KCNQ1: variants seen among roughly 807,000 people sequenced by gnomAD.
The protein encoded by KCNQ1 is potassium voltage-gated channel subfamily KQT member 1.
A neutral mutation model predicts 72.4 loss-of-function variants in KCNQ1; 49 were observed. The observed-to-expected ratio is 0.68, with a 90% CI of 0.54 to 0.86. The LOEUF (loss-of-function observed/expected upper bound fraction) is 0.86, where lower values mean the gene tolerates loss of function less well. KCNQ1 is among the 40% of genes least tolerant of loss of function. KCNQ1 has a pLI of 0.00. For synonymous variants in KCNQ1, 450 were observed against 412.6 expected, an observed-to-expected ratio of 1.09 and a Z score of -1.10; for missense variants, 790 against 945.1, an observed-to-expected ratio of 0.84 and a Z score of 2.15.
chr11:2,633,037 G>C, intron 10 of KCNQ1: 1 of 398,446 alleles, frequency 2.5e-6, no homozygotes, highest in Non-Finnish European at 4.4e-6. Flanking sequence ...CCCACAAATA[G>C]TGTATTATTT....
intron 1 of KCNQ1, among the ~76,000 whole-genome samples, chr11:2,470,779 A>G (rs1846438856): frequency 1.3e-5 from 2 of 152,016 alleles, no homozygotes; most frequent in East Asian, 1.9e-4. Flanking sequence ...GTCTCGATCA[A>G]TCCTCCCACC....
chr11:2,810,779 G>A (rs899159035), intron 15 of KCNQ1, among the ~76,000 whole-genome samples: 3 of 152,210 alleles, frequency 2.0e-5, no homozygotes, highest in Non-Finnish European at 1.5e-5. Context: ...GACAATGACT[G>A]GGGGAGGTGC....
chr11:2,811,324 G>A lies in KCNQ1; in HGVS notation c.1794+33287G>A, dbSNP rs1847481467. The stretch of plus-strand genomic sequence containing the variant: ...CCTAGCCTGTGACCTCCTGGGGTGG[G>A]GAATCATCTCTGCAAACACAGCTCC... On this transcript the variant is annotated intron_variant, in intron 15 of 15. Coordinates refer to ENST00000155840, the MANE Select transcript of KCNQ1 (RefSeq NM_000218.3). Among the ~76,000 whole-genome samples the A allele has an allele frequency of 4.6e-5, 7 of 152,324 alleles. No individual in the cohort carries two copies. In the South Asian group the frequency reaches 1.4e-3, roughly 32 times the overall value.
At chr11:2,534,033 C>A (rs1487809416) in intron 2 of KCNQ1, among the ~76,000 whole-genome samples, 1 of 152,194 alleles carries the variant, frequency 6.6e-6, no homozygotes, top group Non-Finnish European at 1.5e-5. Context: ...CCCACCCCTC[C>A]CGCCAGCTGC....
chr11:2,655,187 T>G (rs951180644), intron 10 of KCNQ1: 1 of 398,506 alleles, frequency 2.5e-6, no homozygotes, highest in African/African-American at 2.1e-5. Context: ...AGGGTGAGAC[T>G]TGGCAGCCAG....
Position 2,621,691 on chromosome 11 carries a change from T to C in KCNQ1, c.1393+32837T>C. On this transcript the variant is annotated intron_variant, in intron 10 of 15. Coordinates refer to ENST00000155840, the MANE Select transcript of KCNQ1 (RefSeq NM_000218.3). The surrounding 1 kb of genome is among the most constrained non-coding windows in gnomAD (Gnocchi z 5.7). ...GGATATAATTGTTCATAAAAGTCCC[T>C]TATGATCCTTTTTATTTCTGAAGTA... 1 of 398,504 alleles carries C rather than the reference T, an allele frequency of 2.5e-6. No homozygotes were observed. Among genetic ancestry groups the C allele is most frequent in the South Asian group, 1.3e-4 (1 of 7,862 alleles). 24.7% of individuals were successfully genotyped at this position (398,504 alleles called of 1,614,324 possible). A position where few individuals can be genotyped will look rare whatever the true frequency, so the allele number is the denominator to read the frequency against.
chr11:2,668,617 G>A lies in KCNQ1; in HGVS notation c.1514+6536G>A, dbSNP rs1050186511. The A allele has an allele frequency of 7.5e-6, 3 of 398,380 alleles. No homozygotes were observed. The highest frequency in any genetic ancestry group is 6.2e-5 in the African/African-American group (3 of 48,590). 24.7% of individuals were successfully genotyped at this position (398,380 alleles called of 1,614,324 possible). A position where few individuals can be genotyped will look rare whatever the true frequency, so the allele number is the denominator to read the frequency against. On this transcript the variant is annotated intron_variant, in intron 11 of 15. Coordinates refer to ENST00000155840, the MANE Select transcript of KCNQ1 (RefSeq NM_000218.3). This position sits in a 1 kb window ranked among gnomAD's most constrained non-coding sequence, Gnocchi z 4.3. ...TCTGTATAAATTGCCTACATCTTCT[G>A]CCTGTTTTATGTTTATTTATGGTCC...
At chr11:2,832,321 C>T (rs1367358314) in intron 15 of KCNQ1, among the ~76,000 whole-genome samples, 1 of 152,214 alleles carries the variant, frequency 6.6e-6, no homozygotes. Flanking sequence ...GGCTCAGATG[C>T]CTGTGCGGGA....
At position 2,818,343 on chromosome 11, in the gene KCNQ1, G is replaced by T. The variant is rs1197438575; in HGVS notation, c.1795-29424G>T. 6.6e-6 allele frequency among the ~76,000 whole-genome samples: 1 copy of T among 152,198 alleles called. No individual in the cohort carries two copies. The highest frequency in any genetic ancestry group is 1.5e-5 in the Non-Finnish European group (1 of 68,034). On this transcript the variant is annotated intron_variant, in intron 15 of 15. Transcript: ENST00000155840. This position sits in a 1 kb window ranked among gnomAD's most constrained non-coding sequence, Gnocchi z 7.2. ...CCTGGCTTGAGCATGTACACAGGCT[G>T]CAGCCCGTGTTCCTGGAGCCACCGT...
Position 2,759,082 on chromosome 11 carries a change from G to C in KCNQ1, c.1515-9762G>C, listed in dbSNP as rs759371304. Among the ~76,000 whole-genome samples, 1 of 151,362 alleles carries C rather than the reference G, an allele frequency of 6.6e-6. No homozygotes were observed. On this transcript the variant is annotated intron_variant, in intron 11 of 15. Transcript: ENST00000155840. The surrounding 1 kb of genome is among the most constrained non-coding windows in gnomAD (Gnocchi z 4.4). Reference sequence around the variant, plus strand: ...CAAGGTGTGACCGTCGCGAACTCACGTAGAGGGCATACAGGACCTCTTGGT... The same window carrying C: ...CAAGGTGTGACCGTCGCGAACTCACCTAGAGGGCATACAGGACCTCTTGGT...
rs794728545 is a variant in KCNQ1, at chr11:2,445,162, G to C, written c.64G>C (p.Gly22Arg). 1.8e-5 allele frequency: 21 copies of C among 1,136,166 alleles called. No homozygotes were observed. Among genetic ancestry groups the C allele is most frequent in the Non-Finnish European group, 2.3e-5 (21 of 923,620 alleles). The allele number at this position is 1,136,166 out of a possible 1,614,324, so 70.4% of individuals were successfully genotyped here. A position where few individuals can be genotyped will look rare whatever the true frequency, so the allele number is the denominator to read the frequency against. The change falls in exon 1 of 16, where the codon GGC becomes CGC. Residue 22 changes from glycine to arginine, a missense_variant. By Grantham distance (125) the Gly-to-Arg change is moderately radical. Around this residue, in one of 5 missense-constraint regions of KCNQ1, gnomAD observed 294 missense variants for 323.3 expected, o/e 0.91. Coordinates refer to ENST00000155840, the MANE Select transcript of KCNQ1 (RefSeq NM_000218.3). Reference protein sequence around the residue: ...RKRWGWGRLPGARRGSAGLAK... With the variant: ...RKRWGWGRLPRARRGSAGLAK... The stretch of plus-strand genomic sequence containing the variant: ...GCGCTGGGGTTGGGGCCGCCTGCCA[G>C]GCGCCCGGCGGGGCAGCGCGGGCCT...
chr11:2,448,104 C>T (rs1043612484), intron 1 of KCNQ1, among the ~76,000 whole-genome samples: 4 of 152,244 alleles, frequency 2.6e-5, no homozygotes, highest in Non-Finnish European at 5.9e-5. Context: ...GATGGGGGTC[C>T]ATACAGCCCT....
chr11:2,615,559 C>T, intron 10 of KCNQ1: 1 of 397,886 alleles, frequency 2.5e-6, no homozygotes, highest in Non-Finnish European at 4.4e-6. Context: ...CTCTTTAACA[C>T]ATTTTGAAAG....
In KCNQ1 at chr11:2,623,947, C is replaced by T; in HGVS notation, c.1393+35093C>T. On this transcript the variant is annotated intron_variant, in intron 10 of 15. Coordinates refer to ENST00000155840, the MANE Select transcript of KCNQ1 (RefSeq NM_000218.3). The surrounding 1 kb of genome is among the most constrained non-coding windows in gnomAD (Gnocchi z 5.2). ...CATTTTTAATTCTTTGAAGAACCACCAAACTCTTCTCCACCAGGGCTGCAC... is the reference window on the plus strand; with the variant it reads ...CATTTTTAATTCTTTGAAGAACCACTAAACTCTTCTCCACCAGGGCTGCAC... 2.5e-6 allele frequency: 1 copy of T among 398,608 alleles called. No homozygotes were observed. The allele number at this position is 398,608 out of a possible 1,614,324, so 24.7% of individuals were successfully genotyped here. A position where few individuals can be genotyped will look rare whatever the true frequency, so the allele number is the denominator to read the frequency against.
chr11:2,782,300 A>G lies in KCNQ1; in HGVS notation c.1794+4263A>G, dbSNP rs1676658340. 6.6e-6 allele frequency among the ~76,000 whole-genome samples: 1 copy of G among 152,114 alleles called. No individual in the cohort carries two copies. On this transcript the variant is annotated intron_variant, in intron 15 of 15. Transcript: ENST00000155840. This position sits in a 1 kb window ranked among gnomAD's most constrained non-coding sequence, Gnocchi z 6.1. Reference sequence around the variant, plus strand: ...CTCCTCACACCCACCAATCCTTCACATTGTATATTATTTCTTAAACACTGC... The same window carrying G: ...CTCCTCACACCCACCAATCCTTCACGTTGTATATTATTTCTTAAACACTGC...
At position 2,496,900 on chromosome 11, in the gene KCNQ1, G is replaced by T. The variant is rs1325889549; in HGVS notation, c.387-31028G>T. ...CCTCAGCATTTGCTTGTTTGGAAAGGATTTTATTTATCCTTTACTCATGAA... is the reference window on the plus strand; with the variant it reads ...CCTCAGCATTTGCTTGTTTGGAAAGTATTTTATTTATCCTTTACTCATGAA... On this transcript the variant is annotated intron_variant, in intron 1 of 15. Transcript: ENST00000155840. Among the ~76,000 whole-genome samples, 3 of 78,390 alleles carry T rather than the reference G, an allele frequency of 3.8e-5. No homozygotes were observed. In the East Asian group the frequency reaches 1.1e-3, roughly 30 times the overall value. 51.4% of individuals were successfully genotyped at this position (78,390 alleles called of 152,430 possible).
rs1207392141 is a variant in KCNQ1, at chr11:2,588,663, C to G, written c.1252-50C>G. ...AGGCACTCTGGGGCCGGCGTAGGGC[C>G]TGGCAGACGATGTCCAGGAACCGCT... On this transcript the variant is annotated intron_variant, in intron 9 of 15. Transcript: ENST00000155840. The surrounding 1 kb of genome is among the most constrained non-coding windows in gnomAD (Gnocchi z 5.6). The G allele has an allele frequency of 1.2e-6, 2 of 1,609,920 alleles. No individual in the cohort carries two copies. Among genetic ancestry groups the G allele is most frequent in the Middle Eastern group, 2.0e-4 (1 of 4,964 alleles).
chr11:2,664,702 G>A lies in KCNQ1; in HGVS notation c.1514+2621G>A. The A allele has an allele frequency of 2.5e-6, 1 of 398,740 alleles. No individual in the cohort carries two copies. 24.7% of individuals were successfully genotyped at this position (398,740 alleles called of 1,614,324 possible). Reference sequence around the variant, plus strand: ...AGCCTGGCCCCATGGACCCTGAACTGGGAAGAGAGGCACACGCCCTGGTGT... The same window carrying A: ...AGCCTGGCCCCATGGACCCTGAACTAGGAAGAGAGGCACACGCCCTGGTGT... On this transcript the variant is annotated intron_variant, in intron 11 of 15. Transcript: ENST00000155840. The surrounding 1 kb of genome is among the most constrained non-coding windows in gnomAD (Gnocchi z 5.1).
At chr11:2,453,322 G>A (rs548025830) in intron 1 of KCNQ1, among the ~76,000 whole-genome samples, 4 of 152,138 alleles carry the variant, frequency 2.6e-5, no homozygotes, top group Admixed American at 1.3e-4. Flanking sequence ...GCAGTGAGCC[G>A]AGATCACGCC....
Sources: allele counts gnomAD v4.1 joint callset (sites outside exome capture counted in the v4.1 genomes callset), GRCh38; gene constraint gnomAD v4.1.1; regional missense constraint gnomAD v4.1.1; non-coding constraint Gnocchi (gnomAD v3.1); transcripts MANE v1.5; gene names NCBI Gene and HGNC (gene_info 2026-07-23, HGNC 2026-07-21).